BTBD8: variants seen among roughly 807,000 people sequenced by gnomAD.
BTBD8 encodes the protein BTB/POZ domain-containing protein 8.
A neutral mutation model predicts 162.9 loss-of-function variants in BTBD8; 110 were observed. The observed-to-expected ratio is 0.68, with a 90% CI of 0.58 to 0.79. BTBD8 has a LOEUF of 0.79. Ranked by LOEUF, BTBD8 falls within the 30% of genes least tolerant of loss-of-function variation. The pLI is 0.00. For synonymous variants in BTBD8, 667 were observed against 716.1 expected, an observed-to-expected ratio of 0.93 and a Z score of 1.10; for missense variants, 1,905 against 2,085.4, an observed-to-expected ratio of 0.91 and a Z score of 1.68.
intron 9 of BTBD8, among the ~76,000 whole-genome samples, chr1:92,161,159 TTTCTCA>T (rs778059731): frequency 2.0e-5 from 3 of 152,214 alleles, no homozygotes; most frequent in Non-Finnish European, 4.4e-5. Flanking sequence ...AGTTTCTCAA[TTTCTCA>T]CAAAGAGAAT....
intron 9 of BTBD8, among the ~76,000 whole-genome samples, chr1:92,155,456 A>G (rs1376448406): frequency 6.6e-6 from 1 of 151,776 alleles, no homozygotes; most frequent in Non-Finnish European, 1.5e-5. Flanking sequence ...CTGTTTATTT[A>G]TGAGACAGGG....
At position 92,181,259 on chromosome 1, in the gene BTBD8, A is replaced by G; in HGVS notation, c.3576A>G (p.Thr1192=). 6.4e-7 allele frequency: 1 copy of G among 1,551,774 alleles called. No homozygotes were observed. Among genetic ancestry groups the G allele is most frequent in the Non-Finnish European group, 8.7e-7 (1 of 1,147,004 alleles). The change falls in exon 17 of 18, where the codon ACA becomes ACG. Residue 1192 remains threonine, a synonymous_variant. Transcript: ENST00000636805. The part of the protein sequence containing the change: ...ESAMDEDKHA[T]ADSDVSSKCF... ...CTATGGATGAAGACAAACATGCTAC[A>G]GCAGACTCAGATGTATCTTCCAAGT...
chr1:92,152,740 T>G (rs1029712197), intron 9 of BTBD8, among the ~76,000 whole-genome samples: 5 of 152,172 alleles, frequency 3.3e-5, no homozygotes. Context: ...CCCAATGCTA[T>G]ACTCTTTTAT....
At chr1:92,159,068 T>A (rs147917243) in intron 9 of BTBD8, among the ~76,000 whole-genome samples, 1 of 152,174 alleles carries the variant, frequency 6.6e-6, no homozygotes, top group Non-Finnish European at 1.5e-5. Context: ...AATCTTTAAG[T>A]GATTTATTCA....
intron 2 of BTBD8, among the ~76,000 whole-genome samples, chr1:92,100,196 G>T (rs1374363418): frequency 6.6e-6 from 1 of 152,082 alleles, no homozygotes; most frequent in Non-Finnish European, 1.5e-5. Flanking sequence ...GTTTGTCATG[G>T]TTTATAATCC....
At position 92,166,939 on chromosome 1, in the gene BTBD8, A is replaced by AT. The variant is rs779217709; in HGVS notation, c.1123-10dup. ...AGCAGTAATAGCATCTAACTTTCCA[A>AT]TTTTTTTTTAAATCTAAGAATGATA... is the stretch of plus-strand genomic sequence containing the variant. On this transcript the variant is annotated intron_variant, in intron 9 of 17. Transcript: ENST00000636805. 1.0e-4 allele frequency: 154 copies of AT among 1,503,196 alleles called. No homozygotes were observed. Among genetic ancestry groups the AT allele is most frequent in the East Asian group, 5.0e-4 (20 of 39,914 alleles). The allele number at this position is 1,503,196 out of a possible 1,614,324, so 93.1% of individuals were successfully genotyped here.
In BTBD8 at chr1:92,093,262, G is replaced by A. The variant is rs555490033; in HGVS notation, c.347+4367G>A. 3.6e-3 allele frequency among the ~76,000 whole-genome samples: 510 copies of A among 140,842 alleles called. 1 individual carries two copies. Among genetic ancestry groups the A allele is most frequent in the Non-Finnish European group, 6.0e-3 (403 of 66,802 alleles). 92.4% of individuals were successfully genotyped at this position (140,842 alleles called of 152,430 possible). The stretch of plus-strand genomic sequence containing the variant: ...GGTTGGAGTGCAATGGCATGATTTC[G>A]GCTCACTGCAACCTTCACCTCCCAG... On this transcript the variant is annotated intron_variant, in intron 2 of 17. Coordinates refer to ENST00000636805, the MANE Select transcript of BTBD8 (RefSeq NM_001376131.1).
chr1:92,167,660 T>G (rs1231639298), intron 10 of BTBD8, among the ~76,000 whole-genome samples, 188 bp from the exon 11 acceptor site: 2 of 152,160 alleles, frequency 1.3e-5, no homozygotes, highest in African/African-American at 2.4e-5. Context: ...TAAAGTATAA[T>G]AAAAATAAAT....
intron 5 of BTBD8, among the ~76,000 whole-genome samples, chr1:92,134,401 T>C (rs1649582030): frequency 6.6e-6 from 1 of 152,378 alleles, no homozygotes; most frequent in East Asian, 1.9e-4. Flanking sequence ...TCTAGTTTTG[T>C]ACCATTCTTA....
chr1:92,102,727 C>A, intron 3 of BTBD8, 58 bp downstream of exon 3: 1 of 1,312,722 alleles, frequency 7.6e-7, no homozygotes. Flanking sequence ...TATTCTGATA[C>A]AGTTAGAGAA....
Position 92,113,787 on chromosome 1 carries a change from C to T in BTBD8, c.662+5786C>T, listed in dbSNP as rs530030760. On this transcript the variant is annotated intron_variant, in intron 4 of 17. Coordinates refer to ENST00000636805, the MANE Select transcript of BTBD8 (RefSeq NM_001376131.1). The stretch of plus-strand genomic sequence containing the variant: ...CAGCACTTTGGGAGGCCGAGGCGGG[C>T]GGATCATGAGGTCAGGAGATTGAGA... Among the ~76,000 whole-genome samples the T allele has an allele frequency of 4.9e-4, 74 of 151,862 alleles. 1 individual carries two copies. In the East Asian group the frequency reaches 0.014, roughly 28 times the overall value.
In BTBD8 at chr1:92,102,464, G is replaced by A. The variant is rs757999107; in HGVS notation, c.348-9G>A. 1 of 1,373,244 alleles carries A rather than the reference G, an allele frequency of 7.3e-7. No individual in the cohort carries two copies. Among genetic ancestry groups the A allele is most frequent in the South Asian group, 1.7e-5 (1 of 57,334 alleles). The allele number at this position is 1,373,244 out of a possible 1,614,324, so 85.1% of individuals were successfully genotyped here. A position where few individuals can be genotyped will look rare whatever the true frequency, so the allele number is the denominator to read the frequency against. ...TTATTTTATTAATATTTTATATTTT[G>A]TCTTTTAGGATTATATATTCATCAA... is the stretch of plus-strand genomic sequence containing the variant. On this transcript the variant is annotated splice_polypyrimidine_tract_variant and intron_variant, in intron 2 of 17. Transcript: ENST00000636805.
rs1045562481 is a variant in BTBD8, at chr1:92,092,206, G to T, written c.347+3311G>T. Among the ~76,000 whole-genome samples the T allele has an allele frequency of 2.6e-5, 4 of 152,114 alleles. No individual in the cohort carries two copies. The East Asian group carries it at 7.8e-4, about 30-fold the overall frequency. ...GCTTGAGTCCAGGGGTTTGAGACCA[G>T]CCTGGGCAACATGGCAAAACCCAGT... On this transcript the variant is annotated intron_variant, in intron 2 of 17. Coordinates refer to ENST00000636805, the MANE Select transcript of BTBD8 (RefSeq NM_001376131.1).
rs1184660604 is a variant in BTBD8, at chr1:92,080,672, G to A, written c.101G>A (p.Arg34His). Reference sequence around the variant, plus strand: ...CAAAGGAAGGGGCCGTGTGAGCGGCGCCGGCTGAAGGCGACGGTGTCGGAG... The same window carrying A: ...CAAAGGAAGGGGCCGTGTGAGCGGCACCGGCTGAAGGCGACGGTGTCGGAG... ...GLQRKGPCERRRLKATVSEQL... is the reference protein window; with the variant it reads ...GLQRKGPCERHRLKATVSEQL... Residue 34 changes from arginine (R) to histidine (H), a missense_variant, in exon 1 of 18, where the codon CGC becomes CAC. Physicochemically the swap from Arg to His is conservative, Grantham distance 29. Around this residue, in one of 3 missense-constraint regions of BTBD8, gnomAD observed 1,374 missense variants for 1,442.7 expected, o/e 0.95. Coordinates refer to ENST00000636805, the MANE Select transcript of BTBD8 (RefSeq NM_001376131.1). 6.2e-7 allele frequency: 1 copy of A among 1,613,194 alleles called. No individual in the cohort carries two copies. The highest frequency in any genetic ancestry group is 1.7e-5 in the Admixed American group (1 of 59,858).
In BTBD8 at chr1:92,181,452, ACCT is replaced by A. The variant is rs1650903973; in HGVS notation, c.3775_3777del (p.Ser1259del). The A allele has an allele frequency of 6.4e-7, 1 of 1,551,376 alleles. No individual in the cohort carries two copies. The highest frequency in any genetic ancestry group is 1.2e-5 in the South Asian group (1 of 84,048). ...TGAATCTGACACTGGCAGTGCTACC[ACCT>A]CCTCCGATGACATAAAGCCCAGATC... On this transcript the variant is annotated inframe_deletion, in exon 17 of 18. Transcript: ENST00000636805.
At chr1:92,092,043 C>T (rs1365096212) in intron 2 of BTBD8, among the ~76,000 whole-genome samples, 1 of 152,004 alleles carries the variant, frequency 6.6e-6, no homozygotes, top group African/African-American at 2.4e-5. Context: ...GGAGACTGGG[C>T]CTTCAGGAGT....
chr1:92,141,174 A>G lies in BTBD8; in HGVS notation c.893A>G (p.Tyr298Cys). 1.3e-6 allele frequency: 2 copies of G among 1,584,588 alleles called. No homozygotes were observed. The highest frequency in any genetic ancestry group is 1.7e-6 in the Non-Finnish European group (2 of 1,163,242). ...GLEGLKEVAI[Y>C]ILRRDYCNFF... is the part of the protein sequence containing the mutation. ...GAAGGATTAAAAGAAGTAGCAATCT[A>G]TATTTTAAGAAGAGATTACTGTAAT... The change falls in exon 7 of 18, where the codon TAT becomes TGT. Residue 298 changes from tyrosine to cysteine, a missense_variant. Tyr to Cys is a radical substitution (Grantham distance 194). Around this residue, in one of 3 missense-constraint regions of BTBD8, gnomAD observed 1,374 missense variants for 1,442.7 expected, o/e 0.95. Transcript: ENST00000636805.
intron 2 of BTBD8, among the ~76,000 whole-genome samples, chr1:92,092,932 G>A (rs1288809178): frequency 2.0e-5 from 3 of 152,062 alleles, no homozygotes; most frequent in African/African-American, 7.2e-5. Flanking sequence ...TATATTTTAA[G>A]TGTATTTATG....
At chr1:92,160,340 T>C (rs1650250588) in intron 9 of BTBD8, among the ~76,000 whole-genome samples, 1 of 152,180 alleles carries the variant, frequency 6.6e-6, no homozygotes, top group South Asian at 2.1e-4. Context: ...AAATCATATA[T>C]CTCAATTTCA....
Sources: gnomAD v4.1 joint callset for allele counts (sites outside exome capture counted in the v4.1 genomes callset) on GRCh38, gnomAD v4.1.1 for gene constraint, gnomAD v4.1.1 regional missense constraint, MANE v1.5 for transcripts, NCBI Gene and HGNC (gene_info 2026-07-23, HGNC 2026-07-21) for gene names.